Variants in ERC1 observed in about 807,000 individuals in gnomAD.
ERC1 encodes the protein RAB6 interacting protein 2.
ERC1 carries 56 observed loss-of-function variants against 132.0 expected under a neutral mutation model. That is an observed-to-expected ratio of 0.42 (90% confidence interval 0.34 to 0.53). The LOEUF (loss-of-function observed/expected upper bound fraction) is 0.53. Ranked by LOEUF, ERC1 falls within the 20% of genes least tolerant of loss-of-function variation. ERC1 has a pLI of 0.03. For synonymous variants in ERC1, 478 were observed against 476.1 expected (o/e 1.00, Z -0.05); for missense variants, 1,202 against 1,349.9 (o/e 0.89, Z 1.72).
intron 2 of ERC1, among the ~76,000 whole-genome samples, chr12:1,042,342 T>TTG (rs1970365309): frequency 6.9e-6 from 1 of 144,010 alleles, no homozygotes; most frequent in Non-Finnish European, 1.5e-5. Flanking sequence ...CGGCCTGTTT[T>TTG]TTTTTTTTTT....
chr12:1,059,379 G>T (rs1973598809), intron 2 of ERC1, among the ~76,000 whole-genome samples: 2 of 152,182 alleles, frequency 1.3e-5, no homozygotes, highest in Non-Finnish European at 2.9e-5. Flanking sequence ...TGTTGAGTAA[G>T]AATGGTGAAA....
At chr12:1,475,991 A>G (rs2154429679) in intron 18 of ERC1, among the ~76,000 whole-genome samples, 1 of 151,564 alleles carries the variant, frequency 6.6e-6, no homozygotes, top group African/African-American at 2.4e-5. Flanking sequence ...AGGCTGGGCA[A>G]GGTGACTCAT....
intron 1 of ERC1, among the ~76,000 whole-genome samples, chr12:1,023,586 AG>A (rs1937012348): frequency 1.3e-5 from 2 of 152,206 alleles, no homozygotes; most frequent in Non-Finnish European, 2.9e-5. Flanking sequence ...GTACTGGAGA[AG>A]TAGTGAATTT....
chr12:1,376,115 A>G (rs941146816), intron 16 of ERC1, among the ~76,000 whole-genome samples: 6 of 152,178 alleles, frequency 3.9e-5, no homozygotes, highest in African/African-American at 1.4e-4. Flanking sequence ...CACAACCAGC[A>G]CATGGCGTTC....
rs572603011 is a variant in ERC1, at chr12:1,431,139, G to A, written c.3025-13423G>A. ...ACCGCTCCGGGGAGAACCACGAGCTGTGATGCGCTGATGCCGACTGAGAAC... is the reference window on the plus strand; with the variant it reads ...ACCGCTCCGGGGAGAACCACGAGCTATGATGCGCTGATGCCGACTGAGAAC... On this transcript the variant is annotated intron_variant, in intron 17 of 18. Coordinates refer to ENST00000360905, the MANE Select transcript of ERC1 (RefSeq NM_178040.4). Among the ~76,000 whole-genome samples, 7 of 152,300 alleles carry A rather than the reference G, an allele frequency of 4.6e-5. No homozygotes were observed. In the East Asian group the frequency reaches 1.3e-3, roughly 29 times the overall value.
rs745400312 is a variant in ERC1, at chr12:1,420,906, T to G, written c.3024+12659T>G. ...CAAGCCCAGTATTTTTGTTTGTTTG[T>G]TTGGTTTTGGTTTGGGGGGGGGGGG... is the stretch of plus-strand genomic sequence containing the variant. On this transcript the variant is annotated intron_variant, in intron 17 of 18. Coordinates refer to ENST00000360905, the MANE Select transcript of ERC1 (RefSeq NM_178040.4). 1.6e-3 allele frequency among the ~76,000 whole-genome samples: 116 copies of G among 73,856 alleles called. 1 individual carries two copies. Among genetic ancestry groups the G allele is most frequent in the Non-Finnish European group, 2.7e-3 (93 of 34,232 alleles). The allele number at this position is 73,856 out of a possible 152,430, so 48.5% of individuals were successfully genotyped here.
At chr12:1,005,916 CT>C (rs1039777449) in intron 1 of ERC1, among the ~76,000 whole-genome samples, 57 of 149,048 alleles carry the variant, frequency 3.8e-4, no homozygotes, top group African/African-American at 1.1e-3. Flanking sequence ...ATTATTATTA[CT>C]TTTTTTTTGA....
chr12:1,416,846 A>G (rs1432701522), intron 17 of ERC1, among the ~76,000 whole-genome samples: 1 of 152,246 alleles, frequency 6.6e-6, no homozygotes, highest in African/African-American at 2.4e-5. Context: ...ATGCTTTTAC[A>G]TATCAGTAGT....
chr12:1,072,375 A>G (rs1346887345), intron 2 of ERC1, among the ~76,000 whole-genome samples: 1 of 152,214 alleles, frequency 6.6e-6, no homozygotes, highest in African/African-American at 2.4e-5. Context: ...TTCCTTTCAA[A>G]TACGAAAACA....
At chr12:1,124,313 A>G (rs557761021) in intron 7 of ERC1, among the ~76,000 whole-genome samples, 116 of 152,336 alleles carry the variant, frequency 7.6e-4, no homozygotes, top group Non-Finnish European at 1.2e-3. Flanking sequence ...AATCAGGAGT[A>G]AAGATAGTAA....
chr12:1,118,947 G>T (rs73591860), intron 7 of ERC1, among the ~76,000 whole-genome samples: 1 of 152,104 alleles, frequency 6.6e-6, no homozygotes, highest in African/African-American at 2.4e-5. Flanking sequence ...TATATTAATA[G>T]CTCATTGCAG....
intron 1 of ERC1, among the ~76,000 whole-genome samples, chr12:1,012,092 C>T (rs964234524): frequency 2.0e-5 from 3 of 152,094 alleles, no homozygotes; most frequent in African/African-American, 7.2e-5. Context: ...ACTAATAAAG[C>T]TGGTGTATCT....
intron 8 of ERC1, among the ~76,000 whole-genome samples, chr12:1,155,999 C>A: frequency 6.6e-6 from 1 of 151,828 alleles, no homozygotes; most frequent in East Asian, 1.9e-4. Flanking sequence ...CTTTGTGTGC[C>A]GTTTCATAAA....
chr12:1,119,139 A>G (rs1312493137), intron 7 of ERC1, among the ~76,000 whole-genome samples: 2 of 152,192 alleles, frequency 1.3e-5, no homozygotes, highest in African/African-American at 4.8e-5. Flanking sequence ...TCTGCCTCCC[A>G]AAGTGCTCGG....
intron 1 of ERC1, among the ~76,000 whole-genome samples, chr12:997,570 G>T (rs1015014143): frequency 6.6e-6 from 1 of 152,226 alleles, no homozygotes; most frequent in Non-Finnish European, 1.5e-5. Context: ...TGGTGGCATA[G>T]AGGATAATGG....
intron 2 of ERC1, among the ~76,000 whole-genome samples, chr12:1,043,082 C>T (rs1394916674): frequency 6.8e-6 from 1 of 147,028 alleles, no homozygotes; most frequent in African/African-American, 2.6e-5. Context: ...CTTGCTCTCT[C>T]GCCCAGGCTG....
chr12:1,006,285 T>C (rs1450391680), intron 1 of ERC1, among the ~76,000 whole-genome samples: 1 of 151,988 alleles, frequency 6.6e-6, no homozygotes, highest in African/African-American at 2.4e-5. Context: ...TGAGACAGAT[T>C]TTTCTCGCTC....
At position 1,296,920 on chromosome 12, in the gene ERC1, T is replaced by G. The variant is rs560959833; in HGVS notation, c.2780+6908T>G. 2.6e-5 allele frequency among the ~76,000 whole-genome samples: 4 copies of G among 152,120 alleles called. No individual in the cohort carries two copies. In the South Asian group the frequency reaches 6.2e-4, roughly 24 times the overall value. On this transcript the variant is annotated intron_variant, in intron 15 of 18. Coordinates refer to ENST00000360905, the MANE Select transcript of ERC1 (RefSeq NM_178040.4). ...TGAGAATGAAGCAGATGAAAGACAGTTTTTAAAAATGGCCAACATATTTCT... is the reference window on the plus strand; with the variant it reads ...TGAGAATGAAGCAGATGAAAGACAGGTTTTAAAAATGGCCAACATATTTCT...
Position 1,216,942 on chromosome 12 carries a change from CTT to C in ERC1, c.2352-19826_2352-19825del, listed in dbSNP as rs376545559. 9.8e-4 allele frequency among the ~76,000 whole-genome samples: 149 copies of C among 152,230 alleles called. No individual in the cohort carries two copies. In the South Asian group the frequency reaches 0.013, roughly 13 times the overall value. On this transcript the variant is annotated intron_variant, in intron 12 of 18. Coordinates refer to ENST00000360905, the MANE Select transcript of ERC1 (RefSeq NM_178040.4). ...GAGGTAGAGGAAGAGGTTATATACACTTATTTCTCTTACTATGAACATTTTAC... is the reference window on the plus strand; with the variant it reads ...GAGGTAGAGGAAGAGGTTATATACACATTTCTCTTACTATGAACATTTTAC...
Sources: allele counts gnomAD v4.1 joint callset (sites outside exome capture counted in the v4.1 genomes callset), GRCh38; gene constraint gnomAD v4.1.1; transcripts MANE v1.5; gene names NCBI Gene and HGNC (gene_info 2026-07-23, HGNC 2026-07-21).